HLTF: variants seen among roughly 807,000 people sequenced by gnomAD.
HLTF encodes the protein DNA-dependent ATPase/E3 ubiquitin-protein ligase HLTF.
Under a neutral mutation model 129.4 loss-of-function variants are expected in HLTF, and 127 were observed. That is an observed-to-expected ratio of 0.98 (90% CI 0.85 to 1.14). The LOEUF (loss-of-function observed/expected upper bound fraction) is 1.14, where lower values mean the gene tolerates loss of function less well. Ranked by LOEUF, HLTF falls within the 50% of genes most tolerant of loss-of-function variation. The probability of loss-of-function intolerance (pLI) is 0.00; values close to 1 mark genes in which losing one functional copy is unlikely to be tolerated. For synonymous variants in HLTF, 332 were observed against 388.8 expected, an observed-to-expected ratio of 0.85 and a Z score of 1.72; for missense variants, 1,139 against 1,187.1, an observed-to-expected ratio of 0.96 and a Z score of 0.60.
chr3:149,058,469 G>A (rs1335976091), intron 13 of HLTF, among the ~76,000 whole-genome samples: 1 of 152,060 alleles, frequency 6.6e-6, no homozygotes, highest in African/African-American at 2.4e-5. Context: ...TACATCCTTT[G>A]ACTATTCTCC....
chr3:149,055,252 T>G (rs558619801), intron 14 of HLTF, 51 bp downstream of exon 14: 1 of 1,284,500 alleles, frequency 7.8e-7, no homozygotes, highest in South Asian at 1.2e-5. Flanking sequence ...CTTTCTACCT[T>G]GTAGATAAAA....
intron 18 of HLTF, among the ~76,000 whole-genome samples, chr3:149,044,107 TAAG>T (rs1716346628): frequency 6.6e-6 from 1 of 152,118 alleles, no homozygotes; most frequent in Non-Finnish European, 1.5e-5. Flanking sequence ...GACAACAGTG[TAAG>T]TCACCTAAAC....
chr3:149,049,370 G>T (rs12488889), intron 15 of HLTF, among the ~76,000 whole-genome samples: 47,003 of 152,054 alleles, frequency 0.31, 7,195 homozygotes, highest in East Asian at 0.33. Context: ...AATGGCAGTT[G>T]TAAGAATTAC....
chr3:149,056,892 G>C (rs1373554672), intron 13 of HLTF, among the ~76,000 whole-genome samples: 1 of 151,742 alleles, frequency 6.6e-6, no homozygotes, highest in African/African-American at 2.4e-5. Context: ...GGCGGATCAC[G>C]AGGTCAGGAG....
At chr3:149,081,477 G>A (rs765803825) in intron 2 of HLTF, among the ~76,000 whole-genome samples, 16 of 151,880 alleles carry the variant, frequency 1.1e-4, no homozygotes, top group Non-Finnish European at 2.2e-4. Flanking sequence ...TAGAAAAACC[G>A]AATGTAAGAG....
In HLTF at chr3:149,054,910, G is replaced by C. The variant is rs1273117491; in HGVS notation, c.1473+393C>G. On this transcript the variant is annotated intron_variant, in intron 14 of 24. Transcript: ENST00000310053. ...TTAAGGACAAACCAAATAAACAGGAGTTCACTAACTGTTGTTATTGTTATA... is the reference window on the plus strand; with the variant it reads ...TTAAGGACAAACCAAATAAACAGGACTTCACTAACTGTTGTTATTGTTATA... Among the ~76,000 whole-genome samples the C allele has an allele frequency of 2.0e-5, 3 of 152,188 alleles. No individual in the cohort carries two copies. In the East Asian group the frequency reaches 5.8e-4, roughly 29 times the overall value.
intron 14 of HLTF, among the ~76,000 whole-genome samples, chr3:149,053,940 G>A (rs780677433): frequency 1.3e-5 from 2 of 151,952 alleles, no homozygotes; most frequent in African/African-American, 2.4e-5. Context: ...GAACAGTTTC[G>A]TTGGAATAAA....
chr3:149,036,545 C>CCA (rs1306747063), intron 23 of HLTF, among the ~76,000 whole-genome samples: 2 of 151,898 alleles, frequency 1.3e-5, no homozygotes, highest in Non-Finnish European at 2.9e-5. Flanking sequence ...CCTCGGCCTC[C>CCA]CACAAAGTGC....
At chr3:149,061,192 C>T (rs1008115758) in intron 10 of HLTF, among the ~76,000 whole-genome samples, 2 of 151,956 alleles carry the variant, frequency 1.3e-5, no homozygotes, top group African/African-American at 2.4e-5. Flanking sequence ...GCCTTAGCCT[C>T]GGGAGTACCT....
chr3:149,070,815 C>T (rs112726323), intron 7 of HLTF, among the ~76,000 whole-genome samples: 1 of 152,094 alleles, frequency 6.6e-6, no homozygotes, highest in Admixed American at 6.5e-5. Flanking sequence ...GAGGCCAAGG[C>T]GGGCGGATCA....
chr3:149,070,671 A>T (rs1332332442), intron 7 of HLTF, among the ~76,000 whole-genome samples: 1 of 152,220 alleles, frequency 6.6e-6, no homozygotes. Context: ...ATACAATTTC[A>T]CATAACATTG....
Position 149,075,934 on chromosome 3 carries a change from C to A in HLTF, c.342G>T (p.Glu114Asp). ...NGNQVGHLKKELAGALAYIMD... is the reference protein window; with the variant it reads ...NGNQVGHLKKDLAGALAYIMD... ...TGATATAGGCCAAAGCACCTGCAAG[C>A]TCTTTCTTTAAATGGCCAACTTGAT... Residue 114 changes from glutamate to aspartate, a missense_variant, in exon 3 of 25, where the codon GAG becomes GAT. Glu to Asp is a conservative substitution (Grantham distance 45). Coordinates refer to ENST00000310053, the MANE Select transcript of HLTF (RefSeq NM_003071.4). 1 of 1,607,966 alleles carries A rather than the reference C, an allele frequency of 6.2e-7. No individual in the cohort carries two copies. Among genetic ancestry groups the A allele is most frequent in the Non-Finnish European group, 8.5e-7 (1 of 1,175,166 alleles).
At chr3:149,085,723 C>T (rs1473549517) in intron 1 of HLTF, among the ~76,000 whole-genome samples, 1 of 152,194 alleles carries the variant, frequency 6.6e-6, no homozygotes, top group Non-Finnish European at 1.5e-5. Flanking sequence ...CTTCCGTCGC[C>T]GGTTTAAGCA....
At chr3:149,079,148 T>C (rs1045097659) in intron 2 of HLTF, among the ~76,000 whole-genome samples, 1 of 151,580 alleles carries the variant, frequency 6.6e-6, no homozygotes, top group Admixed American at 6.6e-5. Flanking sequence ...CCAACACACA[T>C]ACATAAGAGT....
chr3:149,072,184 G>C (rs964768643), intron 5 of HLTF, among the ~76,000 whole-genome samples: 1 of 152,204 alleles, frequency 6.6e-6, no homozygotes, highest in African/African-American at 2.4e-5. Flanking sequence ...TTAGTTGTTA[G>C]GAGGTAAAAG....
chr3:149,043,581 C>CA (rs1327577099), intron 18 of HLTF, among the ~76,000 whole-genome samples: 1 of 149,770 alleles, frequency 6.7e-6, no homozygotes, highest in East Asian at 1.9e-4. Flanking sequence ...CAGGCTTCCC[C>CA]ACAGAAACAT....
intron 2 of HLTF, among the ~76,000 whole-genome samples, chr3:149,077,411 C>A (rs1369330388): frequency 6.6e-6 from 1 of 152,052 alleles, no homozygotes; most frequent in East Asian, 1.9e-4. Context: ...CTGAAGTTCC[C>A]CGGAAGACCC....
chr3:149,054,830 T>C (rs1717288846), intron 14 of HLTF, among the ~76,000 whole-genome samples: 1 of 152,182 alleles, frequency 6.6e-6, no homozygotes, highest in African/African-American at 2.4e-5. Context: ...TGTGGGCACC[T>C]GGAAAATCAG....
chr3:149,078,288 G>A (rs969664151), intron 2 of HLTF, among the ~76,000 whole-genome samples: 9 of 152,184 alleles, frequency 5.9e-5, no homozygotes, highest in Non-Finnish European at 1.3e-4. Context: ...GCTCACACTT[G>A]TAATCCCAGC....
Sources: gnomAD v4.1 joint callset for allele counts (sites outside exome capture counted in the v4.1 genomes callset) on GRCh38, gnomAD v4.1.1 for gene constraint, MANE v1.5 for transcripts, NCBI Gene and HGNC (gene_info 2026-07-23, HGNC 2026-07-21) for gene names.